Variants in TRAPPC8 observed in about 807,000 individuals in gnomAD.
The protein encoded by TRAPPC8 is general sporulation gene 1 homolog.
Under a neutral mutation model 174.3 loss-of-function variants are expected in TRAPPC8, and 54 were observed. The ratio of observed to expected loss-of-function variants is 0.31; its 90% CI spans 0.25 to 0.39. The LOEUF (loss-of-function observed/expected upper bound fraction) is 0.39, where lower values mean the gene tolerates loss of function less well. Among genes scored for constraint, TRAPPC8 ranks in the 10% least tolerant of loss-of-function variants. The pLI is 1.00. For synonymous variants in TRAPPC8, 630 were observed against 579.9 expected, an observed-to-expected ratio of 1.09 and a Z score of -1.24; for missense variants, 1,531 against 1,699.1, an observed-to-expected ratio of 0.90 and a Z score of 1.74.
intron 20 of TRAPPC8, among the ~76,000 whole-genome samples, chr18:31,857,090 C>T (rs1423354366): frequency 1.3e-5 from 2 of 152,166 alleles, no homozygotes; most frequent in South Asian, 4.1e-4. Context: ...ATCTTCTCTT[C>T]TGTAAATATG....
Position 31,932,929 on chromosome 18 carries a change from G to A in TRAPPC8, c.158-1406C>T, listed in dbSNP as rs144662516. Among the ~76,000 whole-genome samples the A allele has an allele frequency of 7.3e-5, 11 of 150,696 alleles. No homozygotes were observed. In the East Asian group the frequency reaches 1.2e-3, roughly 16 times the overall value. ...TGCGGAGGCTGCAGTGAGCCAAGGC[G>A]GAGGGTTGCAGTGAGCCAAGATTGC... On this transcript the variant is annotated intron_variant, in intron 1 of 28. Coordinates refer to ENST00000283351, the MANE Select transcript of TRAPPC8 (RefSeq NM_014939.5).
chr18:31,873,517 C>T lies in TRAPPC8; in HGVS notation c.1975G>A (p.Asp659Asn), dbSNP rs2034992580. Residue 659 changes from aspartate to asparagine, a missense_variant, in exon 14 of 29, where the codon GAT becomes AAT. Physicochemically the swap from Asp to Asn is conservative, Grantham distance 23 (BLOSUM62 1). Coordinates refer to ENST00000283351, the MANE Select transcript of TRAPPC8 (RefSeq NM_014939.5). ...VYKNVSQLSPDGPLPQLPLPY... is the reference protein window; with the variant it reads ...VYKNVSQLSPNGPLPQLPLPY... ...AAAGGAAGCTGTGGCAAAGGACCAT[C>T]TGGTGACAGCTGACTTACATTCTGA... is the stretch of plus-strand genomic sequence containing the variant. 1.2e-6 allele frequency: 2 copies of T among 1,612,686 alleles called. No individual in the cohort carries two copies. Among genetic ancestry groups the T allele is most frequent in the African/African-American group, 2.7e-5 (2 of 74,810 alleles).
intron 11 of TRAPPC8, among the ~76,000 whole-genome samples, chr18:31,891,367 C>G (rs2035948057): frequency 6.6e-6 from 1 of 152,066 alleles, no homozygotes; most frequent in Admixed American, 6.6e-5. Flanking sequence ...TTAAAGGAAT[C>G]CTCAACTTTT....
intron 4 of TRAPPC8, among the ~76,000 whole-genome samples, chr18:31,913,858 G>A (rs116987452): frequency 1.6e-3 from 246 of 151,810 alleles, no homozygotes; most frequent in South Asian, 5.4e-3. Context: ...ACTAGATTGC[G>A]GGGGGAACTA....
Position 31,873,351 on chromosome 18 carries a change from C to T in TRAPPC8, c.2062+79G>A, listed in dbSNP as rs568093894. 1.2e-5 allele frequency: 14 copies of T among 1,194,904 alleles called. No homozygotes were observed. The South Asian group carries it at 1.9e-4, about 16-fold the overall frequency. 74.0% of individuals were successfully genotyped at this position (1,194,904 alleles called of 1,614,324 possible). A position where few individuals can be genotyped will look rare whatever the true frequency, so the allele number is the denominator to read the frequency against. On this transcript the variant is annotated intron_variant, in intron 14 of 28. Coordinates refer to ENST00000283351, the MANE Select transcript of TRAPPC8 (RefSeq NM_014939.5). The stretch of plus-strand genomic sequence containing the variant: ...AATTTTCAAATATTCAACTATACAT[C>T]GTTTTTTAAATGGAGAAAGGAAAAG...
intron 25 of TRAPPC8, among the ~76,000 whole-genome samples, chr18:31,847,395 G>C (rs2033465346): frequency 6.6e-6 from 1 of 152,016 alleles, no homozygotes; most frequent in African/African-American, 2.4e-5. Context: ...CTTCTGTGTT[G>C]GGGAAAATAT....
chr18:31,851,887 A>T lies in TRAPPC8; in HGVS notation c.3561+559T>A, dbSNP rs9949612. Among the ~76,000 whole-genome samples the T allele has an allele frequency of 1.3e-3, 197 of 147,482 alleles. 5 individuals are homozygous for T. In the East Asian group the frequency reaches 0.033, roughly 25 times the overall value. Reference sequence around the variant, plus strand: ...TATAATCTTGCTTTTTAAAAAAAATATCCCAAGAACTATACTTACTTCATA... The same window carrying T: ...TATAATCTTGCTTTTTAAAAAAAATTTCCCAAGAACTATACTTACTTCATA... On this transcript the variant is annotated intron_variant, in intron 24 of 28. Transcript: ENST00000283351.
chr18:31,913,008 A>G (rs2036983892), intron 5 of TRAPPC8, among the ~76,000 whole-genome samples: 1 of 151,996 alleles, frequency 6.6e-6, no homozygotes, highest in Non-Finnish European at 1.5e-5. Context: ...TGTGCCTGTA[A>G]TCCCATGTAC....
In TRAPPC8 at chr18:31,918,426, A is replaced by G. The variant is rs73411543; in HGVS notation, c.353-759T>C. On this transcript the variant is annotated intron_variant, in intron 2 of 28. Coordinates refer to ENST00000283351, the MANE Select transcript of TRAPPC8 (RefSeq NM_014939.5). ...AATAACACTTAGCATAGAGGTTCTC[A>G]ACTGAGCATGATTTTGACCCCCAGG... Among the ~76,000 whole-genome samples, 286 of 152,282 alleles carry G rather than the reference A, an allele frequency of 1.9e-3. 1 individual carries two copies. Among genetic ancestry groups the G allele is most frequent in the African/African-American group, 6.8e-3 (283 of 41,574 alleles).
At chr18:31,921,720 C>A (rs1334439329) in intron 2 of TRAPPC8, among the ~76,000 whole-genome samples, 1 of 151,926 alleles carries the variant, frequency 6.6e-6, no homozygotes, top group African/African-American at 2.4e-5. Flanking sequence ...TATAATGTAG[C>A]TTTCTCATCT....
chr18:31,935,825 T>C (rs1221330458), intron 1 of TRAPPC8, among the ~76,000 whole-genome samples: 1 of 150,950 alleles, frequency 6.6e-6, no homozygotes, highest in Non-Finnish European at 1.5e-5. Context: ...AACCTCCGCC[T>C]CCCAGGTTCA....
At chr18:31,921,836 T>C (rs922609226) in intron 2 of TRAPPC8, among the ~76,000 whole-genome samples, 12 of 152,152 alleles carry the variant, frequency 7.9e-5, no homozygotes, top group Non-Finnish European at 1.2e-4. Flanking sequence ...TATATATATA[T>C]TTAGAGGAAG....
chr18:31,921,384 C>A (rs1464417247), intron 2 of TRAPPC8, among the ~76,000 whole-genome samples: 1 of 152,068 alleles, frequency 6.6e-6, no homozygotes, highest in African/African-American at 2.4e-5. Context: ...GAGGCCGAGG[C>A]AGGCGGATTA....
In TRAPPC8 at chr18:31,870,404, T is replaced by C; in HGVS notation, c.2356A>G (p.Ser786Gly). Reference sequence around the variant, plus strand: ...TTAACTTCTTCATTATCCTTTCCACTGAAATCTTTAGGATGAAACTTCCAA... The same window carrying C: ...TTAACTTCTTCATTATCCTTTCCACCGAAATCTTTAGGATGAAACTTCCAA... ...LLWKFHPKDFSGKDNEEVKQL... is the reference protein window; with the variant it reads ...LLWKFHPKDFGGKDNEEVKQL... Residue 786 changes from serine (S) to glycine (G), a missense_variant, in exon 16 of 29, where the codon AGT (serine) becomes GGT (glycine). Ser to Gly is a moderately conservative substitution (Grantham distance 56, BLOSUM62 0). Transcript: ENST00000283351. 6.2e-7 allele frequency: 1 copy of C among 1,612,568 alleles called. No homozygotes were observed. The highest frequency in any genetic ancestry group is 8.5e-7 in the Non-Finnish European group (1 of 1,179,376).
At position 31,917,571 on chromosome 18, in the gene TRAPPC8, AG is replaced by A; in HGVS notation, c.442+6del. 1 of 1,601,054 alleles carries A rather than the reference AG, an allele frequency of 6.2e-7. No individual in the cohort carries two copies. The highest frequency in any genetic ancestry group is 8.5e-7 in the Non-Finnish European group (1 of 1,174,692). On this transcript the variant is annotated splice_donor_region_variant and intron_variant, in intron 3 of 28. Coordinates refer to ENST00000283351, the MANE Select transcript of TRAPPC8 (RefSeq NM_014939.5). ...GATTTGAGGAGAACATAAATGTCAAAGGATACATGCTAAATAGTGGTTCAGA... is the reference window on the plus strand; with the variant it reads ...GATTTGAGGAGAACATAAATGTCAAAGATACATGCTAAATAGTGGTTCAGA...
At chr18:31,878,957 C>G (rs982332602) in intron 12 of TRAPPC8, among the ~76,000 whole-genome samples, 1 of 152,014 alleles carries the variant, frequency 6.6e-6, no homozygotes, top group Non-Finnish European at 1.5e-5. Context: ...CACTCAATAC[C>G]AGAGCATCCA....
chr18:31,908,984 G>C lies in TRAPPC8; in HGVS notation c.892C>G (p.His298Asp). 6.2e-7 allele frequency: 1 copy of C among 1,609,870 alleles called. No individual in the cohort carries two copies. Among genetic ancestry groups the C allele is most frequent in the Non-Finnish European group, 8.5e-7 (1 of 1,177,826 alleles). The change falls in exon 7 of 29, where the codon CAC (histidine) becomes GAC (aspartate). Residue 298 changes from histidine (H) to aspartate (D), a missense_variant. His to Asp is a moderately conservative substitution (Grantham distance 81, BLOSUM62 -1). Coordinates refer to ENST00000283351, the MANE Select transcript of TRAPPC8 (RefSeq NM_014939.5). ...CTGGATTGCTCCAACTGAAGTGGGT[G>C]AGCTCTAAAGTTATTTGGTAAGCCA... Reference protein sequence around the residue: ...KDGLPNNFRAHPLQLEQSSDP... With the variant: ...KDGLPNNFRADPLQLEQSSDP...
At chr18:31,850,908 A>C (rs895260541) in intron 24 of TRAPPC8, among the ~76,000 whole-genome samples, 3 of 152,208 alleles carry the variant, frequency 2.0e-5, no homozygotes, top group African/African-American at 4.8e-5. Context: ...GTTTTTAAAG[A>C]AATTTAAAAA....
At chr18:31,899,524 T>A (rs2036322651) in intron 10 of TRAPPC8, among the ~76,000 whole-genome samples, 1 of 152,242 alleles carries the variant, frequency 6.6e-6, no homozygotes, top group Non-Finnish European at 1.5e-5. Flanking sequence ...TTCCAGTGCA[T>A]CTATTCTGAA....
Sources: allele counts gnomAD v4.1 joint callset (sites outside exome capture counted in the v4.1 genomes callset), GRCh38; gene constraint gnomAD v4.1.1; transcripts MANE v1.5; gene names NCBI Gene and HGNC (gene_info 2026-07-23, HGNC 2026-07-21).